The following POLR2F variants were observed in gnomAD, a reference collection of about 807,000 sequenced individuals.
POLR2F encodes the protein RNA polymerase II, I and III subunit F, also known as DNA-directed RNA polymerases I, II, and III subunit RPABC2.
In POLR2F, 12 loss-of-function variants were observed where a neutral mutation model predicts 22.7. That is an observed-to-expected ratio of 0.53 (90% CI 0.34 to 0.86). The LOEUF (loss-of-function observed/expected upper bound fraction) is 0.86, where lower values mean the gene tolerates loss of function less well. Among genes scored for constraint, POLR2F ranks in the 40% least tolerant of loss-of-function variants. The pLI is 0.02. For missense variants in POLR2F, 126 were observed against 171.5 expected, an observed-to-expected ratio of 0.73 and a Z score of 1.48; for synonymous variants, 57 against 66.0, an observed-to-expected ratio of 0.86 and a Z score of 0.66.
chr22:37,971,366 A>G, downstream of POLR2F: 2 of 462,212 alleles, frequency 4.3e-6, no homozygotes, highest in Admixed American at 2.4e-5. Flanking sequence ...CCCTTGGTGG[A>G]GCACTTAGTA....
At chr22:37,965,575 C>A (rs569849085) in intron 3 of POLR2F, among the ~76,000 whole-genome samples, 1 of 152,320 alleles carries the variant, frequency 6.6e-6, no homozygotes, top group Admixed American at 6.5e-5. Flanking sequence ...TATTTTGCCA[C>A]ATTCTTTAAA....
downstream of POLR2F, among the ~76,000 whole-genome samples, chr22:38,030,835 C>T (rs2085057576): frequency 1.3e-5 from 2 of 152,054 alleles, no homozygotes; most frequent in African/African-American, 4.8e-5. Flanking sequence ...TCAGTGGTTC[C>T]CCGGGGATCA....
At chr22:37,979,281 A>G (rs941861246) in intron 4 of POLR2F, among the ~76,000 whole-genome samples, 3 of 151,222 alleles carry the variant, frequency 2.0e-5, no homozygotes, top group Non-Finnish European at 2.9e-5. Context: ...TATTTTTAGT[A>G]GAGACGAGGT....
At chr22:38,020,161 CA>C (rs2084947923) in intron 1 of POLR2F, among the ~76,000 whole-genome samples, 2 of 151,408 alleles carry the variant, frequency 1.3e-5, no homozygotes, top group Admixed American at 6.6e-5. Context: ...TCAGCCTGGG[CA>C]ACACAGCGAG....
chr22:38,040,135 T>C (rs1389371797), intron 5 of POLR2F, among the ~76,000 whole-genome samples: 3 of 151,278 alleles, frequency 2.0e-5, no homozygotes, highest in Admixed American at 1.3e-4. Context: ...AATTAGCTAA[T>C]CATGGTGGTG....
chr22:38,013,404 C>T (rs1363842428), intron 1 of POLR2F, among the ~76,000 whole-genome samples: 1 of 152,208 alleles, frequency 6.6e-6, no homozygotes, highest in Non-Finnish European at 1.5e-5. Context: ...CCTTGGCCTC[C>T]CAGAGTGCTG....
upstream of POLR2F, among the ~76,000 whole-genome samples, chr22:37,981,207 C>A (rs1266167998): frequency 6.6e-6 from 1 of 152,242 alleles, no homozygotes; most frequent in African/African-American, 2.4e-5. Context: ...TACCTAACCA[C>A]CCCACTTCTT....
At chr22:38,028,192 A>C (rs1314942622), downstream of POLR2F, among the ~76,000 whole-genome samples, 1 of 152,026 alleles carries the variant, frequency 6.6e-6, no homozygotes, top group Non-Finnish European at 1.5e-5. Context: ...AGACTGCGCT[A>C]GAGATGGAGG....
chr22:38,025,481 AAC>A (rs1450820383), intron 1 of POLR2F: 4 of 1,403,642 alleles, frequency 2.8e-6, no homozygotes, highest in Non-Finnish European at 9.3e-7. Flanking sequence ...TACGATCACA[AAC>A]ACACATTCAC....
chr22:38,028,434 G>C (rs768327376), downstream of POLR2F, among the ~76,000 whole-genome samples: 1 of 152,110 alleles, frequency 6.6e-6, no homozygotes, highest in Non-Finnish European at 1.5e-5. Flanking sequence ...GTCAGTGCAG[G>C]GTGACTGATA....
chr22:37,955,304 C>G (rs925660953), intron 1 of POLR2F, among the ~76,000 whole-genome samples: 1 of 150,078 alleles, frequency 6.7e-6, no homozygotes. Flanking sequence ...TTTGGGAGGC[C>G]GAGGAGGGTG....
intron 1 of POLR2F, among the ~76,000 whole-genome samples, chr22:37,993,774 G>A (rs1932760720): frequency 6.6e-6 from 1 of 152,196 alleles, no homozygotes; most frequent in African/African-American, 2.4e-5. Flanking sequence ...TGGATCACGA[G>A]GTCAGGAGAT....
chr22:38,028,824 C>T (rs2085039745), downstream of POLR2F, among the ~76,000 whole-genome samples: 1 of 152,134 alleles, frequency 6.6e-6, no homozygotes, highest in African/African-American at 2.4e-5. Context: ...TTTAGGGGAC[C>T]CTCCACCCGC....
chr22:37,992,419 C>T (rs1418000017), intron 1 of POLR2F, among the ~76,000 whole-genome samples: 2 of 151,512 alleles, frequency 1.3e-5, no homozygotes, highest in East Asian at 3.9e-4. Context: ...CAGAGTCTCA[C>T]TCTTTCACTC....
chr22:38,023,671 T>C (rs2084980143), intron 1 of POLR2F, among the ~76,000 whole-genome samples: 1 of 151,780 alleles, frequency 6.6e-6, no homozygotes, highest in African/African-American at 2.4e-5. Flanking sequence ...TCTCTATGAT[T>C]TTTGCTTTTT....
chr22:38,021,997 G>C (rs951226338), intron 1 of POLR2F, among the ~76,000 whole-genome samples: 1 of 150,096 alleles, frequency 6.7e-6, no homozygotes, highest in African/African-American at 2.5e-5. Context: ...CAGGCTTGGT[G>C]GTGGACGCCT....
At chr22:38,022,771 G>A (rs535881619) in intron 1 of POLR2F, among the ~76,000 whole-genome samples, 1 of 152,266 alleles carries the variant, frequency 6.6e-6, no homozygotes, top group East Asian at 1.9e-4. Flanking sequence ...CCAGCACTTT[G>A]GGAGGCTGAG....
At chr22:38,026,829 C>T (rs7511204), downstream of POLR2F, 1,457 of 155,068 alleles carry the variant, frequency 9.4e-3, 41 homozygotes, top group Admixed American at 0.055. Flanking sequence ...CACCGCCCAC[C>T]GCCCCCCAGA....
chr22:38,013,643 A>G (rs2084891190), intron 1 of POLR2F, among the ~76,000 whole-genome samples: 1 of 152,230 alleles, frequency 6.6e-6, no homozygotes, highest in African/African-American at 2.4e-5. Flanking sequence ...AGTATCTAGT[A>G]AAAACACCAT....
Sources: gnomAD v4.1 joint callset for allele counts (sites outside exome capture counted in the v4.1 genomes callset) on GRCh38, gnomAD v4.1.1 for gene constraint, MANE v1.5 for transcripts, NCBI Gene and HGNC (gene_info 2026-07-23, HGNC 2026-07-21) for gene names.